The following CWC22 variants were observed in gnomAD, a reference collection of about 807,000 sequenced individuals.
CWC22 encodes pre-mRNA-splicing factor CWC22 homolog.
A neutral mutation model predicts 117.2 loss-of-function variants in CWC22; 53 were observed. That is an observed-to-expected ratio of 0.45 (90% CI 0.36 to 0.57). The LOEUF is 0.57. Ranked by LOEUF, CWC22 falls within the 20% of genes least tolerant of loss-of-function variation. CWC22 has a pLI of 0.00. For missense variants in CWC22, 980 were observed against 1,068.8 expected (o/e 0.92, Z 1.16); for synonymous variants, 360 against 355.6 (o/e 1.01, Z -0.14).
At chr2:179,948,397 A>AT (rs56968981) in intron 19 of CWC22, among the ~76,000 whole-genome samples, 99,273 of 147,524 alleles carry the variant, frequency 0.67, 32,964 homozygotes, top group Middle Eastern at 0.72. Context: ...CCATTAGGTG[A>AT]TTTTTTAACC....
At position 179,984,910 on chromosome 2, in the gene CWC22, C is replaced by T. The variant is rs550227947; in HGVS notation, c.206+1785G>A. Among the ~76,000 whole-genome samples, 3 of 152,182 alleles carry T rather than the reference C, an allele frequency of 2.0e-5. No homozygotes were observed. The South Asian group carries it at 6.2e-4, about 32-fold the overall frequency. ...TTCCATATAAAGTGCCAAGGGTTCA[C>T]CGCTTATCACTACTCAAACTGATAT... is the stretch of plus-strand genomic sequence containing the variant. On this transcript the variant is annotated intron_variant, in intron 4 of 19. Coordinates refer to ENST00000410053, the MANE Select transcript of CWC22 (RefSeq NM_020943.3).
chr2:179,950,947 C>CTT (rs1367256462), intron 17 of CWC22, 21 bp from the exon 18 acceptor site: 2 of 1,383,104 alleles, frequency 1.4e-6, no homozygotes, highest in African/African-American at 1.5e-5. Flanking sequence ...AAAAAATAAA[C>CTT]AAAAGAGAAC....
intron 11 of CWC22, among the ~76,000 whole-genome samples, chr2:179,967,256 A>G (rs1433177512): frequency 6.6e-6 from 1 of 152,194 alleles, no homozygotes; most frequent in African/African-American, 2.4e-5. Flanking sequence ...AATGTTTTAC[A>G]AAACAATGAA....
intron 2 of CWC22, among the ~76,000 whole-genome samples, chr2:179,991,259 G>A (rs918715265): frequency 6.6e-6 from 1 of 150,496 alleles, no homozygotes; most frequent in Non-Finnish European, 1.5e-5. Context: ...GCTGGAAGAG[G>A]TAGGAGCTTG....
intron 2 of CWC22, among the ~76,000 whole-genome samples, chr2:179,991,397 T>C (rs1559296747): frequency 6.6e-6 from 1 of 152,114 alleles, no homozygotes; most frequent in Non-Finnish European, 1.5e-5. Flanking sequence ...AGAATCAGCA[T>C]CAACCCAGCT....
intron 11 of CWC22, 47 bp from the exon 12 acceptor site, chr2:179,966,029 A>T: frequency 7.2e-7 from 1 of 1,392,222 alleles, no homozygotes; most frequent in Non-Finnish European, 1.0e-6. Flanking sequence ...CAAGTCATAT[A>T]CATGTATTTC....
intron 13 of CWC22, among the ~76,000 whole-genome samples, chr2:179,960,144 G>C (rs954620953): frequency 5.9e-5 from 9 of 151,962 alleles, no homozygotes; most frequent in African/African-American, 2.2e-4. Flanking sequence ...AAATTCTTAA[G>C]TGTTAGCAAT....
At chr2:179,948,562 G>C (rs1274565125) in intron 19 of CWC22, among the ~76,000 whole-genome samples, 1 of 152,142 alleles carries the variant, frequency 6.6e-6, no homozygotes, top group Non-Finnish European at 1.5e-5. Context: ...GATCAAGGTT[G>C]TCACCCAAAA....
chr2:179,959,642 G>A (rs1465153667), intron 13 of CWC22, among the ~76,000 whole-genome samples: 2 of 152,086 alleles, frequency 1.3e-5, no homozygotes, highest in Non-Finnish European at 2.9e-5. Context: ...TGCTATGGCT[G>A]TTGCCCCTAT....
At chr2:180,005,949 T>C (rs1019023089) in intron 1 of CWC22, among the ~76,000 whole-genome samples, 34 of 152,216 alleles carry the variant, frequency 2.2e-4, no homozygotes, top group African/African-American at 8.2e-4. Flanking sequence ...GTGGCTTTCC[T>C]CCACCTACTG....
intron 6 of CWC22, among the ~76,000 whole-genome samples, chr2:179,977,233 T>C (rs1477673692): frequency 6.6e-6 from 1 of 152,166 alleles, no homozygotes; most frequent in Non-Finnish European, 1.5e-5. Context: ...TGGGTATATA[T>C]ACAAAGAAAA....
chr2:180,000,450 A>G (rs573908318), intron 1 of CWC22, among the ~76,000 whole-genome samples: 25 of 152,334 alleles, frequency 1.6e-4, no homozygotes, highest in African/African-American at 6.0e-4. Flanking sequence ...TGTTTTGACT[A>G]GAGGATGTTA....
rs192891171 is a variant in CWC22 at position 179,992,102 on chromosome 2, G to A, written c.27+1213C>T. Among the ~76,000 whole-genome samples the A allele has an allele frequency of 1.1e-4, 17 of 152,322 alleles. No individual in the cohort carries two copies. The East Asian group carries it at 3.3e-3, about 29-fold the overall frequency. On this transcript the variant is annotated intron_variant, in intron 2 of 19. Coordinates refer to ENST00000410053, the MANE Select transcript of CWC22 (RefSeq NM_020943.3). ...CTTCTCTTTAAAGAAGGAACTTTAGGTGTGTACAGCTGTAAGAGGATAGGA... is the reference window on the plus strand; with the variant it reads ...CTTCTCTTTAAAGAAGGAACTTTAGATGTGTACAGCTGTAAGAGGATAGGA...
chr2:179,980,310 A>C (rs987527939), intron 5 of CWC22, among the ~76,000 whole-genome samples: 34 of 152,104 alleles, frequency 2.2e-4, no homozygotes, highest in African/African-American at 8.0e-4. Flanking sequence ...ATAAAGAAAA[A>C]CTTATTAGTT....
At chr2:180,002,420 G>A (rs984902596) in intron 1 of CWC22, among the ~76,000 whole-genome samples, 1 of 152,116 alleles carries the variant, frequency 6.6e-6, no homozygotes, top group African/African-American at 2.4e-5. Flanking sequence ...AGTGGCATGT[G>A]CCTAGAGTCC....
intron 1 of CWC22, among the ~76,000 whole-genome samples, chr2:180,000,878 T>G (rs1158750064): frequency 6.6e-6 from 1 of 152,020 alleles, no homozygotes; most frequent in Non-Finnish European, 1.5e-5. Flanking sequence ...ACTGAAAACC[T>G]CACATTATAA....
At chr2:179,996,892 G>A (rs1216325802) in intron 1 of CWC22, among the ~76,000 whole-genome samples, 2 of 147,060 alleles carry the variant, frequency 1.4e-5, no homozygotes, top group African/African-American at 5.0e-5. Context: ...ACAAAATGAA[G>A]ACATTTACTG....
intron 1 of CWC22, among the ~76,000 whole-genome samples, chr2:180,004,173 A>G (rs537522419): frequency 6.6e-6 from 1 of 152,340 alleles, no homozygotes; most frequent in African/African-American, 2.4e-5. Flanking sequence ...GGCACCATGA[A>G]CAAACCATGA....
chr2:179,996,960 C>A (rs1483369740), intron 1 of CWC22, among the ~76,000 whole-genome samples: 1 of 151,918 alleles, frequency 6.6e-6, no homozygotes, highest in Non-Finnish European at 1.5e-5. Context: ...CACCAGCAGA[C>A]CTGCACTACA....
Sources: gnomAD v4.1 joint callset for allele counts (sites outside exome capture counted in the v4.1 genomes callset) on GRCh38, gnomAD v4.1.1 for gene constraint, MANE v1.5 for transcripts, NCBI Gene and HGNC (gene_info 2026-07-23, HGNC 2026-07-21) for gene names.